Variants in NEDD4L observed in about 807,000 individuals in gnomAD.
NEDD4L encodes the protein NEDD4 like E3 ubiquitin protein ligase.
Under a neutral mutation model 148.9 loss-of-function variants are expected in NEDD4L, and 54 were observed. The observed-to-expected ratio is 0.36, with a 90% CI of 0.29 to 0.45. The LOEUF (loss-of-function observed/expected upper bound fraction) is 0.45. Among genes scored for constraint, NEDD4L ranks in the 20% least tolerant of loss-of-function variants. The pLI is 1.00. For missense variants in NEDD4L, 856 were observed against 1,233.8 expected (o/e 0.69, Z 4.59); for synonymous variants, 433 against 440.7 (o/e 0.98, Z 0.22).
rs564562511 is a variant in NEDD4L, at chr18:58,044,536, C to G, written c.-125C>G. 1 of 1,246,280 alleles carries G rather than the reference C, an allele frequency of 8.0e-7. No homozygotes were observed. Among genetic ancestry groups the G allele is most frequent in the African/African-American group, 1.6e-5 (1 of 64,078 alleles). 77.2% of individuals were successfully genotyped at this position (1,246,280 alleles called of 1,614,324 possible). On this transcript the variant is annotated 5_prime_UTR_variant, in exon 1 of 31. Transcript: ENST00000400345. ...ACCTGCCGGCGCCCGGCCGCTTACC[C>G]GGCAGGGCGTGCGCAGGGTAGGGTG...
chr18:58,174,754 G>T (rs999286021), intron 2 of NEDD4L, among the ~76,000 whole-genome samples: 32 of 152,100 alleles, frequency 2.1e-4, no homozygotes, highest in African/African-American at 7.5e-4. Context: ...TGTGGGGGCA[G>T]TCTCATCCCT....
intron 1 of NEDD4L, among the ~76,000 whole-genome samples, chr18:58,098,449 A>G (rs1444564557): frequency 6.6e-6 from 1 of 152,146 alleles, no homozygotes; most frequent in African/African-American, 2.4e-5. Flanking sequence ...GTGGAGCGCC[A>G]TGATACAGTG....
At chr18:58,259,251 G>A (rs1453971446) in intron 5 of NEDD4L, among the ~76,000 whole-genome samples, 1 of 152,110 alleles carries the variant, frequency 6.6e-6, no homozygotes, top group Non-Finnish European at 1.5e-5. Context: ...AAAAAATACA[G>A]GGGAAACCCT....
intron 2 of NEDD4L, among the ~76,000 whole-genome samples, chr18:58,188,222 T>A (rs1242186854): frequency 6.6e-6 from 1 of 152,152 alleles, no homozygotes; most frequent in African/African-American, 2.4e-5. Flanking sequence ...ATCAGACACC[T>A]CTTCACTGGC....
At chr18:58,390,599 C>T in intron 28 of NEDD4L, 47 bp from the exon 29 acceptor site, 2 of 1,198,748 alleles carry the variant, frequency 1.7e-6, no homozygotes, top group Non-Finnish European at 2.4e-6. Context: ...GCAGCATGTG[C>T]CATGGGTCAC....
chr18:58,231,362 A>T (rs1386335840), intron 2 of NEDD4L, among the ~76,000 whole-genome samples: 1 of 151,648 alleles, frequency 6.6e-6, no homozygotes, highest in Non-Finnish European at 1.5e-5. Context: ...GCTGGTTATT[A>T]TGGGGGTGCT....
intron 5 of NEDD4L, among the ~76,000 whole-genome samples, chr18:58,257,486 C>T (rs187360693): frequency 1.0e-3 from 155 of 152,162 alleles, no homozygotes; most frequent in African/African-American, 3.2e-3. Context: ...CTAGGGGAAA[C>T]TGATGGGGAC....
intron 2 of NEDD4L, among the ~76,000 whole-genome samples, chr18:58,210,963 C>A (rs1045639682): frequency 2.6e-5 from 4 of 152,136 alleles, no homozygotes; most frequent in African/African-American, 9.7e-5. Flanking sequence ...TCAGTTGTTA[C>A]ACAATCATAT....
intron 23 of NEDD4L, chr18:58,372,169 A>G (rs2046966612): frequency 6.6e-6 from 1 of 152,206 alleles, no homozygotes. Context: ...GCTGGAGTAC[A>G]GTGGCACAAC....
At chr18:58,353,844 G>A (rs886470473) in intron 18 of NEDD4L, among the ~76,000 whole-genome samples, 1 of 152,168 alleles carries the variant, frequency 6.6e-6, no homozygotes, top group African/African-American at 2.4e-5. Flanking sequence ...CCACAATGCC[G>A]TGAGTGCCGT....
rs547553248 is a variant in NEDD4L, at chr18:58,161,562, A to G, written c.49-4226A>G. Among the ~76,000 whole-genome samples the G allele has an allele frequency of 5.9e-5, 9 of 152,016 alleles. 1 individual carries two copies. The South Asian group carries it at 1.3e-3, about 21-fold the overall frequency. Reference sequence around the variant, plus strand: ...GCAGAGGTAATTACTACTAACATCAACCTTTCCAGGTCTTTTTCTATGCAG... The same window carrying G: ...GCAGAGGTAATTACTACTAACATCAGCCTTTCCAGGTCTTTTTCTATGCAG... On this transcript the variant is annotated intron_variant, in intron 1 of 30. Coordinates refer to ENST00000400345, the MANE Select transcript of NEDD4L (RefSeq NM_001144967.3).
intron 5 of NEDD4L, among the ~76,000 whole-genome samples, chr18:58,267,232 A>G (rs2050344989): frequency 6.6e-6 from 1 of 152,066 alleles, no homozygotes; most frequent in Non-Finnish European, 1.5e-5. Flanking sequence ...TCTAATGGTT[A>G]GGTATTAGTC....
At chr18:58,313,415 A>G (rs939645462) in intron 5 of NEDD4L, among the ~76,000 whole-genome samples, 3 of 152,224 alleles carry the variant, frequency 2.0e-5, no homozygotes, top group Non-Finnish European at 2.9e-5. Flanking sequence ...AACATAGCAA[A>G]TAAGCATTTT....
intron 18 of NEDD4L, among the ~76,000 whole-genome samples, chr18:58,356,066 C>T (rs1370529369): frequency 6.6e-6 from 1 of 152,028 alleles, no homozygotes; most frequent in African/African-American, 2.4e-5. Context: ...GATCTTCCCA[C>T]CTCAGCCTCC....
rs77259956 is a variant in NEDD4L at position 58,323,348 on chromosome 18, G to A, written c.513+14G>A. On this transcript the variant is annotated intron_variant, in intron 8 of 30. Transcript: ENST00000400345. ...GATGACATGGAGGTACGTGGAGGGC[G>A]TCAGGCCTCTCTCCTTGCCTTGAGA... 4.7e-3 allele frequency: 6,184 copies of A among 1,327,002 alleles called. 238 individuals are homozygous for A. In the African/African-American group the frequency reaches 0.08, roughly 17 times the overall value. 82.2% of individuals were successfully genotyped at this position (1,327,002 alleles called of 1,614,324 possible).
At chr18:58,114,081 T>C (rs1160449661) in intron 1 of NEDD4L, among the ~76,000 whole-genome samples, 3 of 152,230 alleles carry the variant, frequency 2.0e-5, no homozygotes, top group Non-Finnish European at 2.9e-5. Flanking sequence ...TTTTAAAATA[T>C]GAACGTAGGC....
At chr18:58,055,605 T>C (rs999123974) in intron 1 of NEDD4L, among the ~76,000 whole-genome samples, 2 of 152,206 alleles carry the variant, frequency 1.3e-5, no homozygotes, top group African/African-American at 4.8e-5. Context: ...TGTCTAAGGA[T>C]TACCAGGTCA....
In NEDD4L at chr18:58,366,227, A is replaced by G. The variant is rs565332359; in HGVS notation, c.2062A>G (p.Thr688Ala). ...PYYGLFEYSATDNYTLQINPN... is the reference protein window; with the variant it reads ...PYYGLFEYSAADNYTLQINPN... The stretch of plus-strand genomic sequence containing the variant: ...CTACGGCCTCTTTGAGTACTCTGCC[A>G]CGTAAGTATATGGCCACACCCAGTG... Residue 688 changes from threonine to alanine, a missense_variant and splice_region_variant, in exon 21 of 31, where the codon ACG becomes GCG. Thr to Ala is a moderately conservative substitution (Grantham distance 58, BLOSUM62 0). This residue lies in a region of NEDD4L where 286 missense variants were observed against 531.8 expected (regional missense o/e 0.54). Transcript: ENST00000400345. This position sits in a 1 kb window ranked among gnomAD's most constrained non-coding sequence, Gnocchi z 4.2. The G allele has an allele frequency of 1.9e-6, 3 of 1,593,582 alleles. No homozygotes were observed. Among genetic ancestry groups the G allele is most frequent in the African/African-American group, 2.7e-5 (2 of 74,612 alleles).
At chr18:58,253,956 A>T (rs997372728) in intron 5 of NEDD4L, among the ~76,000 whole-genome samples, 1 of 151,516 alleles carries the variant, frequency 6.6e-6, no homozygotes, top group African/African-American at 2.4e-5. Context: ...GGCCATCTGC[A>T]GTGTGGTTAC....
Sources: allele counts gnomAD v4.1 joint callset (sites outside exome capture counted in the v4.1 genomes callset), GRCh38; gene constraint gnomAD v4.1.1; regional missense constraint gnomAD v4.1.1; non-coding constraint Gnocchi (gnomAD v3.1); transcripts MANE v1.5; gene names NCBI Gene and HGNC (gene_info 2026-07-23, HGNC 2026-07-21).